The following SOX6 variants were observed in gnomAD, a reference collection of about 807,000 sequenced individuals.
The protein encoded by SOX6 is SRY-box transcription factor 6.
In SOX6, 11 loss-of-function variants were observed where a neutral mutation model predicts 97.8. The ratio of observed to expected loss-of-function variants is 0.11; its 90% CI spans 0.07 to 0.19. The LOEUF (loss-of-function observed/expected upper bound fraction) is 0.19, where lower values mean the gene tolerates loss of function less well. Among genes scored for constraint, SOX6 ranks in the 10% least tolerant of loss-of-function variants. The pLI, the probability that SOX6 is intolerant of heterozygous loss-of-function variation, is 1.00. For missense variants in SOX6, 810 were observed against 1,039.5 expected, an observed-to-expected ratio of 0.78 and a Z score of 3.04; for synonymous variants, 360 against 371.4, an observed-to-expected ratio of 0.97 and a Z score of 0.35.
intron 7 of SOX6, among the ~76,000 whole-genome samples, chr11:16,102,622 A>G (rs1034743839): frequency 2.6e-5 from 4 of 152,068 alleles, no homozygotes; most frequent in Admixed American, 6.6e-5. Context: ...ACCTGACTGC[A>G]AACTATACTA....
chr11:16,377,265 G>A (rs1341563365), intron 1 of SOX6, among the ~76,000 whole-genome samples: 2 of 152,064 alleles, frequency 1.3e-5, no homozygotes, highest in South Asian at 2.1e-4. Flanking sequence ...CCGTTTACCT[G>A]TTAGCTTCTT....
chr11:16,442,109 T>C (rs781413785), intron 1 of SOX6, among the ~76,000 whole-genome samples: 3 of 152,208 alleles, frequency 2.0e-5, no homozygotes, highest in East Asian at 1.9e-4. Context: ...CTTTTAGTTA[T>C]GCATTGCATT....
At chr11:16,389,757 G>A (rs10766322) in intron 1 of SOX6, among the ~76,000 whole-genome samples, 90,644 of 151,270 alleles carry the variant, frequency 0.6, 27,186 homozygotes, top group Non-Finnish European at 0.61. Flanking sequence ...TCACGAAGTC[G>A]GGGGATCGAG....
intron 4 of SOX6, among the ~76,000 whole-genome samples, chr11:16,215,333 A>G (rs1402127968): frequency 6.6e-6 from 1 of 152,200 alleles, no homozygotes; most frequent in Non-Finnish European, 1.5e-5. Flanking sequence ...ATTATAAGAG[A>G]GATGACAATC....
intron 4 of SOX6, among the ~76,000 whole-genome samples, chr11:16,529,388 A>G (rs904255163): frequency 6.6e-6 from 1 of 152,118 alleles, no homozygotes; most frequent in Non-Finnish European, 1.5e-5. Flanking sequence ...TTGTATAAGC[A>G]TTCCATGCTA....
At chr11:16,606,488 C>T (rs1464238226) in intron 4 of SOX6, among the ~76,000 whole-genome samples, 1 of 152,178 alleles carries the variant, frequency 6.6e-6, no homozygotes, top group African/African-American at 2.4e-5. Flanking sequence ...ACACACGCAG[C>T]CACAAAAGCT....
intron 1 of SOX6, among the ~76,000 whole-genome samples, chr11:16,382,016 T>A (rs192054584): frequency 6.6e-6 from 1 of 151,990 alleles, no homozygotes; most frequent in South Asian, 2.1e-4. Flanking sequence ...TTAACCAGAA[T>A]AATAAACCAC....
At chr11:16,264,466 T>C (rs1363267622) in intron 3 of SOX6, 1 of 152,038 alleles carries the variant, frequency 6.6e-6, no homozygotes, top group African/African-American at 2.4e-5. Flanking sequence ...CAGCATAATT[T>C]ATTTAATCAC....
intron 3 of SOX6, among the ~76,000 whole-genome samples, chr11:16,711,702 C>A (rs962876021): frequency 6.0e-5 from 9 of 151,104 alleles, no homozygotes; most frequent in African/African-American, 2.2e-4. Flanking sequence ...CTTTTTTTTT[C>A]TCAGCTCAAA....
intron 4 of SOX6, among the ~76,000 whole-genome samples, chr11:16,546,731 C>T (rs966893532): frequency 6.6e-6 from 1 of 152,086 alleles, no homozygotes; most frequent in Non-Finnish European, 1.5e-5. Flanking sequence ...AGACCCAAAG[C>T]ACAGGCAACA....
chr11:16,731,055 C>A (rs1328793562), intron 2 of SOX6, among the ~76,000 whole-genome samples: 1 of 152,008 alleles, frequency 6.6e-6, no homozygotes, highest in South Asian at 2.1e-4. Flanking sequence ...CAGGAAGAAG[C>A]CGAATCCCTG....
intron 6 of SOX6, among the ~76,000 whole-genome samples, chr11:16,148,509 CTA>C (rs1043853105): frequency 2.0e-4 from 30 of 152,218 alleles, no homozygotes; most frequent in African/African-American, 7.0e-4. Context: ...AACAAGAAAT[CTA>C]TGTCTATGAA....
At chr11:16,500,646 G>A (rs1860689750) in intron 4 of SOX6, among the ~76,000 whole-genome samples, 1 of 152,142 alleles carries the variant, frequency 6.6e-6, no homozygotes, top group African/African-American at 2.4e-5. Flanking sequence ...AAAATCACAA[G>A]CATTCTTATA....
intron 12 of SOX6, among the ~76,000 whole-genome samples, chr11:16,044,272 TA>T (rs1469116175): frequency 6.6e-6 from 1 of 152,100 alleles, no homozygotes; most frequent in African/African-American, 2.4e-5. Flanking sequence ...TAATAAATTA[TA>T]AGGTTTTATG....
chr11:16,007,282 T>C (rs1425737094), intron 13 of SOX6, among the ~76,000 whole-genome samples: 1 of 152,090 alleles, frequency 6.6e-6, no homozygotes. Context: ...CTGTAGGCAA[T>C]GGCAACACAA....
chr11:16,128,233 A>C (rs1265946991), intron 6 of SOX6, among the ~76,000 whole-genome samples: 1 of 152,210 alleles, frequency 6.6e-6, no homozygotes, highest in Admixed American at 6.5e-5. Context: ...ACTAGGTTTA[A>C]CAATGTGGAC....
chr11:16,156,582 C>T lies in SOX6; in HGVS notation c.777+27304G>A, dbSNP rs201223038. On this transcript the variant is annotated intron_variant, in intron 6 of 15. Transcript: ENST00000683767. Reference sequence around the variant, plus strand: ...CCTTCTTCTCACCCAGTCCTCCAAACCTGATCATCATCCTGTATTTACATG... The same window carrying T: ...CCTTCTTCTCACCCAGTCCTCCAAATCTGATCATCATCCTGTATTTACATG... Among the ~76,000 whole-genome samples the T allele has an allele frequency of 4.6e-5, 7 of 152,086 alleles. No individual in the cohort carries two copies. The East Asian group carries it at 7.8e-4, about 17-fold the overall frequency.
At chr11:16,251,992 A>T (rs573685985) in intron 3 of SOX6, among the ~76,000 whole-genome samples, 1,609 of 10,100 alleles carry the variant, frequency 0.16, 15 homozygotes, top group Non-Finnish European at 0.25. Flanking sequence ...ATTTTCTTTT[A>T]AAAAAAAAGA....
intron 4 of SOX6, among the ~76,000 whole-genome samples, chr11:16,215,926 G>A (rs1852360216): frequency 6.6e-6 from 1 of 152,156 alleles, no homozygotes; most frequent in South Asian, 2.1e-4. Flanking sequence ...AGTGCACGAG[G>A]AAATGTGTTC....
Sources: gnomAD v4.1 joint callset for allele counts (sites outside exome capture counted in the v4.1 genomes callset) on GRCh38, gnomAD v4.1.1 for gene constraint, MANE v1.5 for transcripts, NCBI Gene and HGNC (gene_info 2026-07-23, HGNC 2026-07-21) for gene names.